The following LCORL variants were observed in gnomAD, a reference collection of about 807,000 sequenced individuals.
LCORL encodes the protein ligand dependent nuclear receptor corepressor like.
A neutral mutation model predicts 141.8 loss-of-function variants in LCORL; 41 were observed. That is an observed-to-expected ratio of 0.29 (90% confidence interval 0.23 to 0.38). The LOEUF is 0.38. Ranked by LOEUF, LCORL falls within the 10% of genes least tolerant of loss-of-function variation. The pLI, the probability that LCORL is intolerant of heterozygous loss-of-function variation, is 1.00. For synonymous variants in LCORL, 618 were observed against 694.1 expected (o/e 0.89, Z 1.72); for missense variants, 1,759 against 2,035.0 (o/e 0.86, Z 2.61).
intron 4 of LCORL, among the ~76,000 whole-genome samples, chr4:17,935,547 T>A (rs143821230): frequency 6.6e-6 from 1 of 152,228 alleles, no homozygotes; most frequent in Non-Finnish European, 1.5e-5. Flanking sequence ...TGGGTTCATG[T>A]GAGATTTGGT....
intron 5 of LCORL, chr4:17,893,241 C>A: frequency 2.8e-6 from 1 of 361,328 alleles, no homozygotes; most frequent in Non-Finnish European, 3.9e-6. Context: ...TCTTTTAGAT[C>A]CAGCAATTTC....
At chr4:17,976,457 AAT>A (rs1165620295) in intron 1 of LCORL, among the ~76,000 whole-genome samples, 1 of 152,308 alleles carries the variant, frequency 6.6e-6, no homozygotes, top group African/African-American at 2.4e-5. Flanking sequence ...TAAGGTTTAC[AAT>A]ATTCATTTTA....
At position 17,936,782 on chromosome 4, in the gene LCORL, A is replaced by AT. The variant is rs77173165; in HGVS notation, c.430+25120dup. On this transcript the variant is annotated intron_variant, in intron 4 of 7. Transcript: ENST00000635767. The stretch of plus-strand genomic sequence containing the variant: ...AATTCTATCCTTCCCTCCCCTTCCT[A>AT]TTTTTTGCAGTAGGGGTGGCACAAT... Among the ~76,000 whole-genome samples the AT allele has an allele frequency of 3.7e-4, 56 of 151,966 alleles. No homozygotes were observed. The East Asian group carries it at 0.01, about 28-fold the overall frequency.
At chr4:17,897,615 G>C (rs1730192453) in intron 5 of LCORL, among the ~76,000 whole-genome samples, 1 of 151,990 alleles carries the variant, frequency 6.6e-6, no homozygotes, top group African/African-American at 2.4e-5. Flanking sequence ...ACTAACTCTG[G>C]GGGACACTTT....
At chr4:17,925,878 C>CAAAAA (rs71167343) in intron 4 of LCORL, among the ~76,000 whole-genome samples, 5 of 96,608 alleles carry the variant, frequency 5.2e-5, no homozygotes, top group East Asian at 8.3e-4. Context: ...GATTCCATCT[C>CAAAAA]AAAAAAAAAA....
At chr4:17,948,268 A>C (rs1739196444) in intron 4 of LCORL, among the ~76,000 whole-genome samples, 1 of 151,968 alleles carries the variant, frequency 6.6e-6, no homozygotes, top group Admixed American at 6.6e-5. Context: ...AGGTAACTGG[A>C]GGTATGGGTT....
intron 4 of LCORL, among the ~76,000 whole-genome samples, chr4:17,919,723 T>C (rs558562972): frequency 1.3e-5 from 2 of 152,188 alleles, no homozygotes; most frequent in Non-Finnish European, 1.5e-5. Context: ...TAGGGTGTTG[T>C]GTTGGGTGTG....
intron 5 of LCORL, chr4:17,893,529 TATTCTTCAGA>T: frequency 1.0e-6 from 1 of 985,330 alleles, no homozygotes; most frequent in Non-Finnish European, 1.2e-6. Context: ...CACAGGTAGA[TATTCTTCAGA>T]AAATGGTTTG....
chr4:17,874,052 A>T, exon 7 of LCORL: 1 of 1,234,106 alleles, frequency 8.1e-7, no homozygotes, highest in Non-Finnish European at 1.0e-6. Flanking sequence ...GTGGGATGTC[A>T]GCATTTGTTT....
intron 4 of LCORL, among the ~76,000 whole-genome samples, chr4:17,928,937 G>A (rs551170439): frequency 1.3e-5 from 2 of 152,100 alleles, no homozygotes; most frequent in South Asian, 4.1e-4. Context: ...AGAACTAATA[G>A]TCAAGTTCAC....
chr4:17,847,604 A>C (rs146248513), intron 7 of LCORL, among the ~76,000 whole-genome samples: 24 of 152,386 alleles, frequency 1.6e-4, no homozygotes, highest in African/African-American at 5.0e-4. Context: ...TGATTAAAAA[A>C]TAATATAATT....
chr4:17,885,962 C>T, intron 6 of LCORL, 106 bp downstream of exon 6: 2 of 490,202 alleles, frequency 4.1e-6, no homozygotes, highest in Admixed American at 3.9e-5. Context: ...GACAAAAATT[C>T]TGGAGGAAAA....
rs78595396 is a variant in LCORL, at chr4:18,016,471, T to C, written c.154+5127A>G. ...TTATTATTAACAGGCTTTAATTAAG[T>C]GGTATCATGGTAATCAAGAGTTGGC... On this transcript the variant is annotated intron_variant, in intron 1 of 7. Coordinates refer to ENST00000635767, the Ensembl canonical transcript of LCORL. Among the ~76,000 whole-genome samples the C allele has an allele frequency of 1.8e-3, 276 of 152,248 alleles. 1 individual carries two copies. Among genetic ancestry groups the C allele is most frequent in the African/African-American group, 6.5e-3 (269 of 41,566 alleles).
chr4:17,992,293 C>T (rs1720163665), intron 1 of LCORL, among the ~76,000 whole-genome samples: 2 of 152,158 alleles, frequency 1.3e-5, no homozygotes, highest in Admixed American at 1.3e-4. Context: ...ACCATCAGAT[C>T]TCGTGAGAAC....
intron 1 of LCORL, among the ~76,000 whole-genome samples, chr4:17,989,841 C>A (rs1577658333): frequency 6.6e-6 from 1 of 152,152 alleles, no homozygotes; most frequent in East Asian, 1.9e-4. Flanking sequence ...GTTGACCAAG[C>A]TGAGTTCTCA....
intron 4 of LCORL, chr4:17,912,597 T>C (rs1732743781): frequency 2.4e-6 from 1 of 413,080 alleles, no homozygotes; most frequent in Admixed American, 3.1e-5. Flanking sequence ...CAGCTGAGAC[T>C]TACAGTCCAG....
rs549017924 is a variant in LCORL, at chr4:17,868,005, G to GA, written c.5602+5382_5602+5383insT. Among the ~76,000 whole-genome samples, 28 of 152,238 alleles carry GA rather than the reference G, an allele frequency of 1.8e-4. No homozygotes were observed. In the East Asian group the frequency reaches 5.2e-3, roughly 28 times the overall value. On this transcript the variant is annotated intron_variant, in intron 7 of 7. Transcript: ENST00000635767. ...TCTTTATTAAAAATTCCTCAGGGGG[G>GA]TTGGGTGTAAAAAAATTCCTAATTT...
intron 6 of LCORL, chr4:17,880,548 T>C (rs1727426270): frequency 1.0e-6 from 1 of 956,452 alleles, no homozygotes; most frequent in African/African-American, 1.8e-5. Flanking sequence ...TAGAATACTA[T>C]ATTTAATAAA....
chr4:17,851,924 G>A (rs1044149929), intron 7 of LCORL, among the ~76,000 whole-genome samples: 1 of 152,132 alleles, frequency 6.6e-6, no homozygotes, highest in Non-Finnish European at 1.5e-5. Context: ...ATAAGGTTAA[G>A]CATATTTTAA....
Sources: gnomAD v4.1 joint callset for allele counts (sites outside exome capture counted in the v4.1 genomes callset) on GRCh38, gnomAD v4.1.1 for gene constraint, MANE v1.5 for transcripts, NCBI Gene and HGNC (gene_info 2026-07-23, HGNC 2026-07-21) for gene names.